Variants in CNTN5 observed in about 807,000 individuals in gnomAD.
The protein encoded by CNTN5 is contactin-5.
A neutral mutation model predicts 129.1 loss-of-function variants in CNTN5; 77 were observed. The ratio of observed to expected loss-of-function variants is 0.60; its 90% CI spans 0.50 to 0.72. CNTN5 has a LOEUF of 0.72. Among genes scored for constraint, CNTN5 ranks in the 30% least tolerant of loss-of-function variants. The probability of loss-of-function intolerance (pLI) is 0.00; values close to 1 mark genes in which losing one functional copy is unlikely to be tolerated. For missense variants in CNTN5, 1,478 were observed against 1,328.8 expected, an observed-to-expected ratio of 1.11 and a Z score of -1.75; for synonymous variants, 509 against 465.6, an observed-to-expected ratio of 1.09 and a Z score of -1.20.
chr11:99,258,613 T>C (rs1457667345), intron 1 of CNTN5, among the ~76,000 whole-genome samples: 1 of 152,058 alleles, frequency 6.6e-6, no homozygotes, highest in Admixed American at 6.6e-5. Context: ...ATAATTAAAA[T>C]TCAGCTTCAG....
chr11:99,999,657 G>T (rs9795261), intron 8 of CNTN5, among the ~76,000 whole-genome samples: 1 of 152,084 alleles, frequency 6.6e-6, no homozygotes, highest in Non-Finnish European at 1.5e-5. Context: ...CCATTACTGG[G>T]TATATACCCA....
intron 2 of CNTN5, among the ~76,000 whole-genome samples, chr11:99,494,838 A>C (rs1264895898): frequency 6.6e-6 from 1 of 152,156 alleles, no homozygotes; most frequent in East Asian, 1.9e-4. Flanking sequence ...AGGGAACTGG[A>C]GTTTTAAATG....
intron 7 of CNTN5, among the ~76,000 whole-genome samples, chr11:99,951,093 T>C (rs1213689431): frequency 6.6e-6 from 1 of 151,946 alleles, no homozygotes; most frequent in Non-Finnish European, 1.5e-5. Flanking sequence ...AGATTAATGC[T>C]TGAGCAAAAT....
At chr11:99,651,009 A>G (rs560789989) in intron 3 of CNTN5, among the ~76,000 whole-genome samples, 14 of 152,070 alleles carry the variant, frequency 9.2e-5, no homozygotes, top group Non-Finnish European at 1.6e-4. Flanking sequence ...AATAAGAGAA[A>G]TTGTCTCATC....
intron 3 of CNTN5, among the ~76,000 whole-genome samples, chr11:99,693,584 A>G (rs1020346613): frequency 6.6e-6 from 1 of 151,918 alleles, no homozygotes; most frequent in Non-Finnish European, 1.5e-5. Context: ...GGATAGAGTA[A>G]TGGACAGTAG....
intron 1 of CNTN5, among the ~76,000 whole-genome samples, chr11:99,261,252 G>T (rs1489163452): frequency 6.6e-6 from 1 of 152,072 alleles, no homozygotes; most frequent in South Asian, 2.1e-4. Flanking sequence ...GAATCGTAGA[G>T]TTAATTGTGA....
intron 8 of CNTN5, among the ~76,000 whole-genome samples, chr11:99,963,813 T>C (rs1409518206): frequency 1.3e-5 from 2 of 152,190 alleles, no homozygotes; most frequent in African/African-American, 4.8e-5. Flanking sequence ...TTCCATTTGT[T>C]TGTATCCTCT....
chr11:99,919,211 T>C lies in CNTN5; in HGVS notation c.673+3062T>C, dbSNP rs577672423. Among the ~76,000 whole-genome samples, 12 of 152,276 alleles carry C rather than the reference T, an allele frequency of 7.9e-5. No homozygotes were observed. The East Asian group carries it at 2.1e-3, about 27-fold the overall frequency. On this transcript the variant is annotated intron_variant, in intron 7 of 24. Transcript: ENST00000524871. ...AAGCTTTACTTCCAACGGTATAGTA[T>C]AGCATATGCATTTGTTGCAGTTCTA...
intron 16 of CNTN5, among the ~76,000 whole-genome samples, chr11:100,232,744 A>G (rs950203899): frequency 2.0e-5 from 3 of 152,150 alleles, no homozygotes; most frequent in African/African-American, 7.2e-5. Flanking sequence ...GAACAACTTT[A>G]TTTTAGGGAA....
intron 2 of CNTN5, among the ~76,000 whole-genome samples, chr11:99,367,940 A>G (rs1308993890): frequency 6.6e-6 from 1 of 152,138 alleles, no homozygotes; most frequent in Non-Finnish European, 1.5e-5. Context: ...TAAGCACTTT[A>G]TTAAGGCTAT....
chr11:99,051,604 C>G (rs1309853621), intron 1 of CNTN5, among the ~76,000 whole-genome samples: 1 of 151,870 alleles, frequency 6.6e-6, no homozygotes, highest in Non-Finnish European at 1.5e-5. Flanking sequence ...GCGTTGAGAG[C>G]ATTGTACTGT....
At chr11:99,225,776 A>G (rs1860650766) in intron 1 of CNTN5, among the ~76,000 whole-genome samples, 1 of 152,216 alleles carries the variant, frequency 6.6e-6, no homozygotes, top group Admixed American at 6.5e-5. Flanking sequence ...GAAATATAGC[A>G]TTGATATAGA....
intron 3 of CNTN5, among the ~76,000 whole-genome samples, chr11:99,716,124 A>G (rs1955210068): frequency 6.6e-6 from 1 of 152,144 alleles, no homozygotes; most frequent in South Asian, 2.1e-4. Flanking sequence ...GTAATCACTA[A>G]TATGTCTCAT....
chr11:100,159,170 A>C (rs1224704147), intron 13 of CNTN5, among the ~76,000 whole-genome samples: 2 of 151,834 alleles, frequency 1.3e-5, no homozygotes, highest in African/African-American at 4.8e-5. Flanking sequence ...ATCATCACCA[A>C]AGTCAGACTG....
At chr11:99,830,336 C>G (rs1404859191) in intron 4 of CNTN5, among the ~76,000 whole-genome samples, 1 of 152,116 alleles carries the variant, frequency 6.6e-6, no homozygotes, top group Non-Finnish European at 1.5e-5. Flanking sequence ...TTAGCACTGT[C>G]TTCTGACAAT....
chr11:99,935,400 A>G (rs1019907780), intron 7 of CNTN5, among the ~76,000 whole-genome samples: 3 of 152,074 alleles, frequency 2.0e-5, no homozygotes, highest in Non-Finnish European at 4.4e-5. Flanking sequence ...TATATTATAA[A>G]CATCATTCCA....
At chr11:99,429,999 C>T (rs571574169) in intron 2 of CNTN5, among the ~76,000 whole-genome samples, 1 of 151,794 alleles carries the variant, frequency 6.6e-6, no homozygotes, top group African/African-American at 2.4e-5. Context: ...TATCAAGTAA[C>T]TAAATGCAAG....
At chr11:99,491,880 A>T (rs1946048708) in intron 2 of CNTN5, among the ~76,000 whole-genome samples, 1 of 152,186 alleles carries the variant, frequency 6.6e-6, no homozygotes, top group Non-Finnish European at 1.5e-5. Flanking sequence ...ATGGTGGTGC[A>T]AGTAGGAATC....
At chr11:99,324,067 G>A (rs538729860) in intron 1 of CNTN5, among the ~76,000 whole-genome samples, 184 of 152,220 alleles carry the variant, frequency 1.2e-3, no homozygotes, top group African/African-American at 3.6e-3. Context: ...ATCTTAGGTC[G>A]ACATATTTAA....
Sources: gnomAD v4.1 joint callset for allele counts (sites outside exome capture counted in the v4.1 genomes callset) on GRCh38, gnomAD v4.1.1 for gene constraint, MANE v1.5 for transcripts, NCBI Gene and HGNC (gene_info 2026-07-23, HGNC 2026-07-21) for gene names.